Variants in GRID2 observed in about 807,000 individuals in gnomAD.
GRID2 encodes glutamate receptor ionotropic, delta-2.
GRID2 carries 33 observed loss-of-function variants against 114.8 expected under a neutral mutation model. The observed-to-expected ratio is 0.29, with a 90% CI of 0.22 to 0.38. GRID2 has a LOEUF of 0.38. GRID2 is among the 10% of genes least tolerant of loss of function. The pLI is 1.00. For missense variants in GRID2, 1,184 were observed against 1,257.7 expected, an observed-to-expected ratio of 0.94 and a Z score of 0.89; for synonymous variants, 505 against 449.9, an observed-to-expected ratio of 1.12 and a Z score of -1.55.
chr4:93,704,347 G>T (rs929235487), intron 14 of GRID2, among the ~76,000 whole-genome samples: 20 of 151,996 alleles, frequency 1.3e-4, no homozygotes, highest in African/African-American at 4.8e-4. Context: ...GGGGTTGTTT[G>T]TTTTTTTCTT....
At chr4:93,079,887 G>A (rs1016850273) in intron 2 of GRID2, among the ~76,000 whole-genome samples, 7 of 151,934 alleles carry the variant, frequency 4.6e-5, no homozygotes, top group African/African-American at 1.7e-4. Context: ...CTTCTATTTT[G>A]TAAGAAGGAA....
At chr4:92,577,229 A>T (rs1727938129) in intron 1 of GRID2, among the ~76,000 whole-genome samples, 1 of 152,212 alleles carries the variant, frequency 6.6e-6, no homozygotes, top group South Asian at 2.1e-4. Context: ...GAGTCTTGAA[A>T]AAAAGACTGT....
chr4:92,953,822 A>G (rs1037081594), intron 2 of GRID2, among the ~76,000 whole-genome samples: 4 of 152,156 alleles, frequency 2.6e-5, no homozygotes, highest in Non-Finnish European at 5.9e-5. Context: ...TTTTAATATC[A>G]TATTTCACAA....
intron 4 of GRID2, among the ~76,000 whole-genome samples, chr4:93,167,043 G>C (rs1000225859): frequency 1.3e-5 from 2 of 152,136 alleles, no homozygotes; most frequent in African/African-American, 4.8e-5. Flanking sequence ...GTGGCGGTGA[G>C]AGAGTAAAAA....
chr4:93,587,442 G>A (rs1414595500), intron 13 of GRID2, among the ~76,000 whole-genome samples: 1 of 152,076 alleles, frequency 6.6e-6, no homozygotes, highest in Non-Finnish European at 1.5e-5. Flanking sequence ...AATTTTTGCT[G>A]ATAGCAAAGT....
At chr4:93,670,224 A>G (rs75014177) in intron 14 of GRID2, among the ~76,000 whole-genome samples, 2,543 of 152,282 alleles carry the variant, frequency 0.017, 77 homozygotes, top group African/African-American at 0.059. Flanking sequence ...CTTTTCATTC[A>G]TATCTGTTCA....
chr4:93,344,742 A>G (rs1760029712), intron 8 of GRID2, among the ~76,000 whole-genome samples: 1 of 151,430 alleles, frequency 6.6e-6, no homozygotes, highest in African/African-American at 2.4e-5. Context: ...CCTAAGTAAA[A>G]CTGTATCTTT....
intron 7 of GRID2, among the ~76,000 whole-genome samples, chr4:93,226,682 G>A (rs1198930900): frequency 6.6e-6 from 1 of 151,958 alleles, no homozygotes; most frequent in African/African-American, 2.4e-5. Context: ...AGTAGTCATT[G>A]CCCTAGTGGA....
At chr4:92,468,497 T>A (rs1465030643) in intron 1 of GRID2, among the ~76,000 whole-genome samples, 1 of 152,084 alleles carries the variant, frequency 6.6e-6, no homozygotes, top group Admixed American at 6.6e-5. Context: ...AAACAAACAC[T>A]TAATGAAATA....
chr4:93,295,611 GCTC>G (rs1051535895), intron 8 of GRID2, among the ~76,000 whole-genome samples: 4 of 150,710 alleles, frequency 2.7e-5, no homozygotes, highest in African/African-American at 7.3e-5. Flanking sequence ...TCCTCTCCCC[GCTC>G]CTCCTCCTCC....
chr4:93,297,673 G>C (rs1265913628), intron 8 of GRID2, among the ~76,000 whole-genome samples: 2 of 152,132 alleles, frequency 1.3e-5, no homozygotes, highest in African/African-American at 4.8e-5. Context: ...TAATGGTATT[G>C]CATATAAAGG....
intron 2 of GRID2, among the ~76,000 whole-genome samples, chr4:92,626,843 T>A (rs1730548249): frequency 6.6e-6 from 1 of 151,922 alleles, no homozygotes; most frequent in Non-Finnish European, 1.5e-5. Flanking sequence ...AAGCAAAGTA[T>A]AAAATAGGTA....
chr4:92,895,408 C>T (rs1401084854), intron 2 of GRID2, among the ~76,000 whole-genome samples: 2 of 45,714 alleles, frequency 4.4e-5, no homozygotes, highest in African/African-American at 4.3e-4. Context: ...TATATATAAA[C>T]TGAAAGATGT....
In GRID2 at chr4:92,723,314, TTG is replaced by T. The variant is rs1200816884; in HGVS notation, c.244+133030_244+133031del. Among the ~76,000 whole-genome samples, 55 of 152,260 alleles carry T rather than the reference TTG, an allele frequency of 3.6e-4. 1 individual carries two copies. The highest frequency in any genetic ancestry group is 1.3e-3 in the African/African-American group (53 of 41,576). On this transcript the variant is annotated intron_variant, in intron 2 of 15. Transcript: ENST00000282020. ...TTCAGAAAAATTTCAATAAATTACT[TTG>T]TATAGCTTGCACCAGCCACACTTTA...
At chr4:93,371,295 T>G (rs776410058) in intron 8 of GRID2, among the ~76,000 whole-genome samples, 1 of 152,124 alleles carries the variant, frequency 6.6e-6, no homozygotes, top group Non-Finnish European at 1.5e-5. Context: ...ACAGTTACAT[T>G]CAGATGCTCA....
At chr4:92,903,541 T>A (rs1279482627) in intron 2 of GRID2, among the ~76,000 whole-genome samples, 1 of 151,974 alleles carries the variant, frequency 6.6e-6, no homozygotes, top group Non-Finnish European at 1.5e-5. Context: ...TTCAAATGGT[T>A]AAATGTCAAG....
At chr4:93,796,691 G>A (rs1266398647) in intron 1 of GRID2, among the ~76,000 whole-genome samples, 2 of 152,122 alleles carry the variant, frequency 1.3e-5, no homozygotes, top group Non-Finnish European at 2.9e-5. Context: ...TTACGGGCAT[G>A]TGCCACCACA....
chr4:93,776,475 C>T (rs1242257633), downstream of GRID2, among the ~76,000 whole-genome samples: 1 of 152,168 alleles, frequency 6.6e-6, no homozygotes, highest in Non-Finnish European at 1.5e-5. Flanking sequence ...ATTTTGAAAG[C>T]CATTGTGCTA....
chr4:93,162,468 A>G (rs375773114), intron 4 of GRID2, among the ~76,000 whole-genome samples: 1 of 151,900 alleles, frequency 6.6e-6, no homozygotes, highest in Non-Finnish European at 1.5e-5. Context: ...AGGAATAAAA[A>G]TATTGTGCTT....
Sources: allele counts gnomAD v4.1 joint callset (sites outside exome capture counted in the v4.1 genomes callset), GRCh38; gene constraint gnomAD v4.1.1; transcripts MANE v1.5; gene names NCBI Gene and HGNC (gene_info 2026-07-23, HGNC 2026-07-21).